NRG1: variants seen among roughly 807,000 people sequenced by gnomAD.
NRG1 encodes the protein neuregulin 1, also known as pro-neuregulin-1, membrane-bound isoform.
In NRG1, 18 loss-of-function variants were observed where a neutral mutation model predicts 63.8. That is an observed-to-expected ratio of 0.28 (90% CI 0.19 to 0.42). NRG1 has a LOEUF of 0.42. Among genes scored for constraint, NRG1 ranks in the 10% least tolerant of loss-of-function variants. NRG1 has a pLI of 1.00. For missense variants in NRG1, 762 were observed against 814.7 expected, an observed-to-expected ratio of 0.94 and a Z score of 0.79; for synonymous variants, 302 against 301.3, an observed-to-expected ratio of 1.00 and a Z score of -0.02.
chr8:32,759,443 G>C lies in NRG1; in HGVS notation c.1052+7G>C. 1 of 1,610,174 alleles carries C rather than the reference G, an allele frequency of 6.2e-7. No homozygotes were observed. The highest frequency in any genetic ancestry group is 1.3e-5 in the African/African-American group (1 of 74,902). On this transcript the variant is annotated splice_region_variant and intron_variant, in intron 10 of 11. Coordinates refer to ENST00000356819, the Ensembl canonical transcript of NRG1. ...CCCAGACTCCTAGCCACAGGTATGA[G>C]AATTTAAAAATTCCACGGCTTTTCT...
chr8:32,626,754 C>T (rs1849365670), intron 5 of NRG1, among the ~76,000 whole-genome samples: 1 of 151,942 alleles, frequency 6.6e-6, no homozygotes, highest in Non-Finnish European at 1.5e-5. Context: ...GGTGTGGTGG[C>T]TCATGCCTGT....
intron 1 of NRG1, among the ~76,000 whole-genome samples, chr8:31,646,604 C>T (rs1299441917): frequency 2.0e-5 from 3 of 152,182 alleles, no homozygotes; most frequent in African/African-American, 7.2e-5. Context: ...CATACTAAAA[C>T]CACATAGTTA....
chr8:32,064,597 T>C (rs972560880), intron 1 of NRG1, among the ~76,000 whole-genome samples: 10 of 152,144 alleles, frequency 6.6e-5, no homozygotes, highest in African/African-American at 2.4e-4. Context: ...AACAGCTTGG[T>C]AAGAAAAGTC....
At chr8:32,170,243 T>C (rs1481740) in intron 1 of NRG1, among the ~76,000 whole-genome samples, 2,061 of 152,324 alleles carry the variant, frequency 0.014, 55 homozygotes, top group African/African-American at 0.046. Flanking sequence ...TTGATACACC[T>C]TCCTAGACCC....
At chr8:31,841,186 T>C (rs868502684) in intron 1 of NRG1, among the ~76,000 whole-genome samples, 1 of 149,876 alleles carries the variant, frequency 6.7e-6, no homozygotes, top group Non-Finnish European at 1.5e-5. Flanking sequence ...CAATGATTGA[T>C]GAAACAGAGT....
intron 5 of NRG1, among the ~76,000 whole-genome samples, chr8:32,637,076 A>T (rs1023133494): frequency 5.9e-5 from 9 of 152,098 alleles, no homozygotes; most frequent in Non-Finnish European, 8.8e-5. Context: ...ACCATGAAAA[A>T]TTTTTTAAAA....
intron 1 of NRG1, among the ~76,000 whole-genome samples, chr8:31,832,073 A>G (rs1273908790): frequency 6.6e-6 from 1 of 152,180 alleles, no homozygotes; most frequent in Admixed American, 6.5e-5. Context: ...TTCATCTCAT[A>G]CAATCCAAGA....
chr8:31,860,557 A>G (rs1466900729), intron 1 of NRG1, among the ~76,000 whole-genome samples: 1 of 152,136 alleles, frequency 6.6e-6, no homozygotes, highest in Non-Finnish European at 1.5e-5. Context: ...CGTATGTTTA[A>G]TAGTTACTGA....
chr8:32,351,668 G>A (rs1805624978), intron 1 of NRG1, among the ~76,000 whole-genome samples: 1 of 152,082 alleles, frequency 6.6e-6, no homozygotes, highest in African/African-American at 2.4e-5. Context: ...CCCAGGCCAG[G>A]AAACCCATAA....
intron 1 of NRG1, among the ~76,000 whole-genome samples, chr8:32,124,151 C>T (rs987596052): frequency 1.3e-5 from 2 of 151,908 alleles, no homozygotes; most frequent in Admixed American, 6.6e-5. Context: ...GCCAGGGAAC[C>T]TGCTAATACT....
chr8:32,291,569 C>T (rs1251587871), intron 1 of NRG1, among the ~76,000 whole-genome samples: 5 of 118,338 alleles, frequency 4.2e-5, no homozygotes, highest in Non-Finnish European at 8.2e-5. Flanking sequence ...GACAGAGTCT[C>T]GCTGTGTTGC....
chr8:32,641,277 G>A (rs1000386420), intron 5 of NRG1, among the ~76,000 whole-genome samples: 1 of 151,904 alleles, frequency 6.6e-6, no homozygotes, highest in Non-Finnish European at 1.5e-5. Context: ...AAGGGTAGCC[G>A]ACACATAACA....
intron 1 of NRG1, among the ~76,000 whole-genome samples, chr8:32,277,176 T>C (rs567204025): frequency 2.4e-4 from 36 of 152,236 alleles, no homozygotes; most frequent in Non-Finnish European, 4.0e-4. Context: ...GAAATGTTTT[T>C]ATCTACCTCC....
intron 1 of NRG1, among the ~76,000 whole-genome samples, chr8:32,491,781 C>T (rs1381497723): frequency 6.6e-6 from 1 of 152,208 alleles, no homozygotes; most frequent in Non-Finnish European, 1.5e-5. Flanking sequence ...GATCTGATAG[C>T]ACCTTCCTGA....
rs141558511 is a variant in NRG1, at chr8:32,678,084, T to G, written c.503-49865T>G. Among the ~76,000 whole-genome samples the G allele has an allele frequency of 2.1e-3, 322 of 152,328 alleles. 1 individual carries two copies. The highest frequency in any genetic ancestry group is 6.6e-3 in the African/African-American group (275 of 41,570). On this transcript the variant is annotated intron_variant, in intron 5 of 11. Coordinates refer to ENST00000356819, the Ensembl canonical transcript of NRG1. ...ATATTACTGACAAATGCTATTTTTA[T>G]CTCCTATATGGGTGAATCATGCATA...
intron 1 of NRG1, among the ~76,000 whole-genome samples, chr8:32,012,472 G>A (rs551193789): frequency 2.4e-4 from 37 of 152,168 alleles, no homozygotes; most frequent in Non-Finnish European, 1.8e-4. Context: ...GGATAGGAGA[G>A]ACTATGTGGA....
chr8:32,431,957 C>T (rs1301079833), intron 1 of NRG1, among the ~76,000 whole-genome samples: 3 of 152,130 alleles, frequency 2.0e-5, no homozygotes, highest in Non-Finnish European at 4.4e-5. Flanking sequence ...AGGTGTTACT[C>T]CACACATGGT....
chr8:31,734,995 C>T (rs1586021692), intron 1 of NRG1, among the ~76,000 whole-genome samples: 2 of 152,228 alleles, frequency 1.3e-5, no homozygotes, highest in South Asian at 4.1e-4. Context: ...ATGTGTGCGT[C>T]ATGGACACCT....
chr8:31,978,001 G>T (rs1808474146), intron 1 of NRG1, among the ~76,000 whole-genome samples: 1 of 152,094 alleles, frequency 6.6e-6, no homozygotes, highest in Non-Finnish European at 1.5e-5. Flanking sequence ...AACTCATTAA[G>T]ATGAGGGAAT....
Sources: allele counts gnomAD v4.1 joint callset (sites outside exome capture counted in the v4.1 genomes callset), GRCh38; gene constraint gnomAD v4.1.1; transcripts MANE v1.5; gene names NCBI Gene and HGNC (gene_info 2026-07-23, HGNC 2026-07-21).